Variants in DPP10 observed in about 807,000 individuals in gnomAD.
DPP10 encodes the protein dipeptidyl peptidase like 10.
A neutral mutation model predicts 120.9 loss-of-function variants in DPP10; 33 were observed. That is an observed-to-expected ratio of 0.27 (90% confidence interval 0.21 to 0.37). DPP10 has a LOEUF of 0.37. DPP10 is among the 10% of genes least tolerant of loss of function. The pLI, the probability that DPP10 is intolerant of heterozygous loss-of-function variation, is 1.00. For synonymous variants in DPP10, 337 were observed against 326.1 expected (o/e 1.03, Z -0.36); for missense variants, 816 against 942.8 (o/e 0.87, Z 1.76).
chr2:115,418,016 A>T (rs1348764664), intron 3 of DPP10, among the ~76,000 whole-genome samples: 1 of 152,192 alleles, frequency 6.6e-6, no homozygotes, highest in Non-Finnish European at 1.5e-5. Flanking sequence ...TAAGCTAAAT[A>T]TATCTTACAG....
chr2:115,357,167 G>C (rs2064447015), intron 3 of DPP10, among the ~76,000 whole-genome samples: 1 of 152,146 alleles, frequency 6.6e-6, no homozygotes, highest in Admixed American at 6.5e-5. Context: ...ATGTCCTAAT[G>C]GATAATGGAT....
intron 1 of DPP10, among the ~76,000 whole-genome samples, chr2:115,046,577 C>G (rs4467279): frequency 0.97 from 147,347 of 152,238 alleles, 71,517 homozygotes; most frequent in Middle Eastern, 1. Context: ...TTTCCAACCA[C>G]AGAATTCACC....
intron 3 of DPP10, among the ~76,000 whole-genome samples, chr2:115,492,198 A>T (rs1477171991): frequency 6.6e-6 from 1 of 152,198 alleles, no homozygotes; most frequent in Non-Finnish European, 1.5e-5. Flanking sequence ...GCTGTGAATG[A>T]CTGAATGGTG....
At chr2:114,465,112 G>A (rs779511710) in intron 1 of DPP10, among the ~76,000 whole-genome samples, 6 of 152,064 alleles carry the variant, frequency 3.9e-5, no homozygotes, top group African/African-American at 1.2e-4. Flanking sequence ...CAGAGACCTC[G>A]GTTCAGATTT....
At chr2:114,522,137 A>G (rs4849339) in intron 1 of DPP10, among the ~76,000 whole-genome samples, 122,460 of 148,228 alleles carry the variant, frequency 0.83, 50,675 homozygotes, top group Admixed American at 0.88. Context: ...CCGCCACTAC[A>G]CCCGGCTAAT....
Position 114,500,048 on chromosome 2 carries a change from G to A in DPP10, c.60+57210G>A, listed in dbSNP as rs74676076. Among the ~76,000 whole-genome samples the A allele has an allele frequency of 5.2e-3, 794 of 152,294 alleles. 36 individuals are homozygous for A. The East Asian group carries it at 0.11, about 21-fold the overall frequency. On this transcript the variant is annotated intron_variant, in intron 1 of 25. Transcript: ENST00000410059. ...TTTCTGCCAGCTGTTGAGAATATTA[G>A]GGTTCCCTCTTCTGTGTTTCAGAGG... is the stretch of plus-strand genomic sequence containing the variant.
At chr2:115,245,446 A>G (rs1255552464) in intron 1 of DPP10, among the ~76,000 whole-genome samples, 1 of 152,194 alleles carries the variant, frequency 6.6e-6, no homozygotes, top group Non-Finnish European at 1.5e-5. Context: ...TACTCTTGCA[A>G]AAATGGCCAC....
At chr2:115,750,883 G>A (rs1458263640) in intron 10 of DPP10, among the ~76,000 whole-genome samples, 5 of 152,106 alleles carry the variant, frequency 3.3e-5, no homozygotes, top group Non-Finnish European at 7.4e-5. Flanking sequence ...GAAAAGGAAA[G>A]CTCTCAAGAT....
intron 1 of DPP10, among the ~76,000 whole-genome samples, chr2:115,098,644 T>C (rs1227012440): frequency 6.6e-6 from 1 of 152,150 alleles, no homozygotes; most frequent in African/African-American, 2.4e-5. Flanking sequence ...CGGCCCATCA[T>C]TTATCAAAAC....
At chr2:115,436,422 A>G (rs990390497) in intron 3 of DPP10, among the ~76,000 whole-genome samples, 1 of 151,632 alleles carries the variant, frequency 6.6e-6, no homozygotes, top group Admixed American at 6.6e-5. Flanking sequence ...ATTATCAGGT[A>G]TTAAAGACAA....
chr2:114,912,273 C>T (rs768503926), intron 1 of DPP10, among the ~76,000 whole-genome samples: 18 of 152,046 alleles, frequency 1.2e-4, no homozygotes, highest in South Asian at 2.1e-4. Context: ...GGACAACTTT[C>T]CCTCTACTAT....
At chr2:115,231,955 GTTTTATGCCCCC>G (rs2057755665) in intron 1 of DPP10, among the ~76,000 whole-genome samples, 1 of 152,172 alleles carries the variant, frequency 6.6e-6, no homozygotes, top group Admixed American at 6.6e-5. Context: ...TTGTGGGTGA[GTTTTATGCCCCC>G]TAAAGAAATC....
chr2:115,276,908 T>A (rs1457509940), intron 1 of DPP10, among the ~76,000 whole-genome samples: 2 of 152,174 alleles, frequency 1.3e-5, no homozygotes, highest in African/African-American at 4.8e-5. Flanking sequence ...CCTATGCCCC[T>A]TTGTGTCTAG....
At chr2:114,835,484 G>A (rs563301426) in intron 1 of DPP10, 31 of 152,196 alleles carry the variant, frequency 2.0e-4, no homozygotes, top group South Asian at 4.1e-4. Context: ...TATCACGTTC[G>A]TTTTTAATCA....
intron 19 of DPP10, among the ~76,000 whole-genome samples, chr2:115,810,162 G>GA (rs199538342): frequency 7.4e-4 from 95 of 128,618 alleles, no homozygotes; most frequent in Middle Eastern, 9.0e-3. Context: ...ACTCCATCTC[G>GA]AAAAAAAAAA....
At position 115,013,772 on chromosome 2, in the gene DPP10, T is replaced by C. The variant is rs544349583; in HGVS notation, c.61-295467T>C. Among the ~76,000 whole-genome samples, 31 of 151,290 alleles carry C rather than the reference T, an allele frequency of 2.0e-4. 1 individual carries two copies. Among genetic ancestry groups the C allele is most frequent in the African/African-American group, 7.3e-4 (30 of 41,144 alleles). Reference sequence around the variant, plus strand: ...AGAAGGGTATTACATAATGGATCGATGCAAGCAACAAGAAAAGCTAACTAT... The same window carrying C: ...AGAAGGGTATTACATAATGGATCGACGCAAGCAACAAGAAAAGCTAACTAT... On this transcript the variant is annotated intron_variant, in intron 1 of 25. Transcript: ENST00000410059.
chr2:115,376,531 CT>C (rs879864288), intron 3 of DPP10, among the ~76,000 whole-genome samples: 4,425 of 143,850 alleles, frequency 0.031, 77 homozygotes, highest in African/African-American at 0.046. Context: ...TAGTCCCTTT[CT>C]TTTTTTTTTT....
At chr2:115,191,984 T>G (rs1345516783) in intron 1 of DPP10, among the ~76,000 whole-genome samples, 3 of 152,202 alleles carry the variant, frequency 2.0e-5, no homozygotes, top group Non-Finnish European at 4.4e-5. Context: ...CATAATAGGA[T>G]AGGCCTATGT....
intron 3 of DPP10, among the ~76,000 whole-genome samples, chr2:115,348,959 A>G (rs577701229): frequency 6.6e-6 from 1 of 152,082 alleles, no homozygotes; most frequent in Non-Finnish European, 1.5e-5. Flanking sequence ...CCCTTCACCA[A>G]CTGGCTGTAG....
Sources: gnomAD v4.1 joint callset for allele counts (sites outside exome capture counted in the v4.1 genomes callset) on GRCh38, gnomAD v4.1.1 for gene constraint, MANE v1.5 for transcripts, NCBI Gene and HGNC (gene_info 2026-07-23, HGNC 2026-07-21) for gene names.